KIF26B: variants seen among roughly 807,000 people sequenced by gnomAD.
KIF26B encodes the protein kinesin family member 26B, also known as kinesin-like protein KIF26B.
Under a neutral mutation model 151.2 loss-of-function variants are expected in KIF26B, and 63 were observed. That is an observed-to-expected ratio of 0.42 (90% CI 0.34 to 0.51). The LOEUF (loss-of-function observed/expected upper bound fraction) is 0.51, where lower values mean the gene tolerates loss of function less well. Ranked by LOEUF, KIF26B falls within the 20% of genes least tolerant of loss-of-function variation. KIF26B has a pLI of 0.07. For missense variants in KIF26B, 2,813 were observed against 2,913.6 expected (o/e 0.97, Z 0.79); for synonymous variants, 1,357 against 1,262.1 (o/e 1.08, Z -1.59).
intron 5 of KIF26B, among the ~76,000 whole-genome samples, chr1:245,559,559 A>ATG (rs1558214538): frequency 1.3e-5 from 2 of 151,868 alleles, no homozygotes; most frequent in Non-Finnish European, 2.9e-5. Flanking sequence ...AGACAGGCGC[A>ATG]CGCCCCCACA....
At chr1:245,460,275 G>GT (rs530469614) in intron 4 of KIF26B, among the ~76,000 whole-genome samples, 235 of 151,998 alleles carry the variant, frequency 1.5e-3, no homozygotes, top group African/African-American at 4.4e-3. Flanking sequence ...CCAGAGGTTT[G>GT]TTTTTTTTGT....
intron 2 of KIF26B, among the ~76,000 whole-genome samples, chr1:245,295,561 G>A (rs1038979488): frequency 6.6e-6 from 1 of 152,124 alleles, no homozygotes; most frequent in African/African-American, 2.4e-5. Flanking sequence ...ATTCAGTGGC[G>A]TTTTCAGTCT....
intron 14 of KIF26B, among the ~76,000 whole-genome samples, chr1:245,700,126 C>T (rs2044749982): frequency 6.6e-6 from 1 of 152,160 alleles, no homozygotes; most frequent in Non-Finnish European, 1.5e-5. Flanking sequence ...TAAGTTGCAG[C>T]ATTTGCCGCT....
chr1:245,641,544 ACTGT>A (rs773640172), intron 9 of KIF26B, among the ~76,000 whole-genome samples: 41 of 122,438 alleles, frequency 3.3e-4, no homozygotes, highest in Non-Finnish European at 1.6e-4. Context: ...TTCTCTTCTG[ACTGT>A]CTATTTTCAA....
At chr1:245,398,415 C>T (rs181576313) in intron 3 of KIF26B, among the ~76,000 whole-genome samples, 19 of 152,198 alleles carry the variant, frequency 1.2e-4, no homozygotes, top group African/African-American at 4.1e-4. Flanking sequence ...GTGGAGCCAC[C>T]GTAAAGCTTG....
intron 2 of KIF26B, among the ~76,000 whole-genome samples, chr1:245,183,844 C>T (rs564040931): frequency 4.6e-5 from 7 of 151,980 alleles, no homozygotes; most frequent in East Asian, 1.9e-4. Context: ...CGGTATGACA[C>T]GATTAAGCCA....
chr1:245,161,468 A>G (rs183254232), intron 2 of KIF26B, among the ~76,000 whole-genome samples: 1 of 152,336 alleles, frequency 6.6e-6, no homozygotes, highest in Admixed American at 6.5e-5. Context: ...AGCATTTGGA[A>G]GGATTAAGTC....
chr1:245,297,792 C>T (rs987897022), intron 2 of KIF26B, among the ~76,000 whole-genome samples: 4 of 152,156 alleles, frequency 2.6e-5, no homozygotes, highest in African/African-American at 9.7e-5. Context: ...CCCATAGCCT[C>T]GTGGCTTGGA....
At chr1:245,235,789 A>C (rs1437188847) in intron 2 of KIF26B, among the ~76,000 whole-genome samples, 1 of 152,198 alleles carries the variant, frequency 6.6e-6, no homozygotes, top group Non-Finnish European at 1.5e-5. Flanking sequence ...AAGCAGGAAC[A>C]GTGTGTACAA....
intron 3 of KIF26B, among the ~76,000 whole-genome samples, chr1:245,390,941 A>AAAAC (rs1673677621): frequency 6.8e-6 from 1 of 146,356 alleles, no homozygotes; most frequent in African/African-American, 2.5e-5. Flanking sequence ...AAAAAAAAAA[A>AAAAC]AAAAAAAAAA....
rs1002877094 is a variant in KIF26B at position 245,156,464 on chromosome 1, C to G, written c.246C>G (p.Thr82=). ...GCACCTCGTCCCCGAGCTCGTTCAC[C>G]GGCTCCCCGGGACCCGCCTCCCCCG... ...GSGTSSPSSF[T]GSPGPASPGI... The change falls in exon 2 of 15, where the codon ACC becomes ACG. Residue 82 remains threonine, a synonymous_variant. Coordinates refer to ENST00000407071, the MANE Select transcript of KIF26B (RefSeq NM_018012.4). The G allele has an allele frequency of 3.9e-6, 6 of 1,524,962 alleles. No homozygotes were observed. Among genetic ancestry groups the G allele is most frequent in the Non-Finnish European group, 5.3e-6 (6 of 1,140,080 alleles). The allele number at this position is 1,524,962 out of a possible 1,614,324, so 94.5% of individuals were successfully genotyped here.
chr1:245,601,798 T>C lies in KIF26B; in HGVS notation c.1351-779T>C, dbSNP rs2043398962. Among the ~76,000 whole-genome samples the C allele has an allele frequency of 6.6e-6, 1 of 152,176 alleles. No individual in the cohort carries two copies. The highest frequency in any genetic ancestry group is 2.1e-4 in the South Asian group (1 of 4,824). On this transcript the variant is annotated intron_variant, in intron 5 of 14. Transcript: ENST00000407071. The surrounding 1 kb of genome is among the most constrained non-coding windows in gnomAD (Gnocchi z 4.4). ...GTGTGAGGCCTCAGCCTGATTTCTG[T>C]TCACCTTAGAACCCCAAGGCTGACT...
chr1:245,351,982 A>G (rs898890103), intron 2 of KIF26B, among the ~76,000 whole-genome samples: 10 of 152,226 alleles, frequency 6.6e-5, no homozygotes, highest in Non-Finnish European at 7.3e-5. Context: ...TAACTAGGCA[A>G]AAACCTACCT....
intron 2 of KIF26B, among the ~76,000 whole-genome samples, chr1:245,310,970 A>G (rs1274852313): frequency 3.3e-5 from 5 of 152,118 alleles, no homozygotes; most frequent in African/African-American, 7.2e-5. Context: ...GTTTGACGCT[A>G]CACTCTGATT....
intron 2 of KIF26B, among the ~76,000 whole-genome samples, chr1:245,212,301 A>G (rs1159676335): frequency 6.6e-6 from 1 of 152,142 alleles, no homozygotes; most frequent in Non-Finnish European, 1.5e-5. Flanking sequence ...CTTGCTCATG[A>G]TAAAACAGGA....
rs150941036 is a variant in KIF26B, at chr1:245,636,415, G to A, written c.2099-9706G>A. Reference sequence around the variant, plus strand: ...CTTTTTTGGCATTTTTAAATTGTGTGTCATAGTTGTACATATTTTTGGAGT... The same window carrying A: ...CTTTTTTGGCATTTTTAAATTGTGTATCATAGTTGTACATATTTTTGGAGT... On this transcript the variant is annotated intron_variant, in intron 9 of 14. Transcript: ENST00000407071. 5.8e-3 allele frequency among the ~76,000 whole-genome samples: 875 copies of A among 151,166 alleles called. 7 individuals carry two copies. The highest frequency in any genetic ancestry group is 0.02 in the African/African-American group (832 of 41,182).
chr1:245,639,393 TTTG>T lies in KIF26B; in HGVS notation c.2099-6724_2099-6722del, dbSNP rs542632431. On this transcript the variant is annotated intron_variant, in intron 9 of 14. Transcript: ENST00000407071. ...TTAGTCTAACTGAAGGTTTTAAAATTTTGTTGCTTTTCAAAAAAACAAACTTTT... is the reference window on the plus strand; with the variant it reads ...TTAGTCTAACTGAAGGTTTTAAAATTTTGCTTTTCAAAAAAACAAACTTTT... 3.9e-5 allele frequency among the ~76,000 whole-genome samples: 6 copies of T among 151,916 alleles called. No homozygotes were observed. In the South Asian group the frequency reaches 8.3e-4, roughly 21 times the overall value.
At chr1:245,613,677 C>T (rs1289145657) in intron 9 of KIF26B, among the ~76,000 whole-genome samples, 2 of 152,200 alleles carry the variant, frequency 1.3e-5, no homozygotes, top group Non-Finnish European at 2.9e-5. Flanking sequence ...CCTCGTGGCT[C>T]AAAAGACCTG....
intron 2 of KIF26B, among the ~76,000 whole-genome samples, chr1:245,341,144 C>T (rs1334562723): frequency 6.6e-6 from 1 of 152,040 alleles, no homozygotes; most frequent in Non-Finnish European, 1.5e-5. Context: ...CAAACCCATT[C>T]AGTGCTCCAG....
Sources: allele counts gnomAD v4.1 joint callset (sites outside exome capture counted in the v4.1 genomes callset), GRCh38; gene constraint gnomAD v4.1.1; non-coding constraint Gnocchi (gnomAD v3.1); transcripts MANE v1.5; gene names NCBI Gene and HGNC (gene_info 2026-07-23, HGNC 2026-07-21).